The following IGSF21 variants were observed in gnomAD, a reference collection of about 807,000 sequenced individuals.
The protein encoded by IGSF21 is immunoglobin superfamily member 21, also known as immunoglobulin superfamily member 21.
In IGSF21, 28 loss-of-function variants were observed where a neutral mutation model predicts 46.8. The ratio of observed to expected loss-of-function variants is 0.60; its 90% CI spans 0.44 to 0.82. The LOEUF is 0.82. IGSF21 is among the 40% of genes least tolerant of loss of function. IGSF21 has a pLI of 0.00. For missense variants in IGSF21, 624 were observed against 665.5 expected (o/e 0.94, Z 0.69); for synonymous variants, 284 against 273.6 (o/e 1.04, Z -0.38).
At chr1:18,315,565 A>ATGGATGGATGGATGGG (rs1436351716) in intron 3 of IGSF21, among the ~76,000 whole-genome samples, 3 of 151,710 alleles carry the variant, frequency 2.0e-5, no homozygotes, top group African/African-American at 7.3e-5. Context: ...GGATGGATGG[A>ATGGATGGATGGATGGG]TGGATGGATG....
intron 6 of IGSF21, among the ~76,000 whole-genome samples, chr1:18,373,266 C>G (rs1373176431): frequency 2.0e-5 from 3 of 152,228 alleles, no homozygotes; most frequent in Non-Finnish European, 4.4e-5. Flanking sequence ...GACTCCTGCT[C>G]TTTCTCTACG....
At chr1:18,374,803 G>A (rs1054156527) in intron 6 of IGSF21, among the ~76,000 whole-genome samples, 4 of 152,180 alleles carry the variant, frequency 2.6e-5, no homozygotes, top group African/African-American at 9.7e-5. Flanking sequence ...GACCAGCAAG[G>A]AAAGGTGGGG....
At chr1:18,356,864 G>A (rs1281416192) in intron 4 of IGSF21, among the ~76,000 whole-genome samples, 1 of 152,102 alleles carries the variant, frequency 6.6e-6, no homozygotes, top group Non-Finnish European at 1.5e-5. Flanking sequence ...AGAGATGGGG[G>A]AGGAGATGGA....
Position 18,290,184 on chromosome 1 carries a change from G to GGGCAGAAC in IGSF21, c.184-1682_184-1681insGGCAGAAC. On this transcript the variant is annotated intron_variant, in intron 2 of 9. Transcript: ENST00000251296. This position sits in a 1 kb window ranked among gnomAD's most constrained non-coding sequence, Gnocchi z 4.2. ...AGGAGAGGAGAATCCTCCTGTCCCC[G>GGGCAGAAC]TCCTCCTCATCTTCCTCCACTCTCA... Among the ~76,000 whole-genome samples, 1 of 152,274 alleles carries GGGCAGAAC rather than the reference G, an allele frequency of 6.6e-6. No individual in the cohort carries two copies. The highest frequency in any genetic ancestry group is 6.5e-5 in the Admixed American group (1 of 15,296).
intron 3 of IGSF21, among the ~76,000 whole-genome samples, chr1:18,331,848 T>A (rs1233828338): frequency 6.6e-6 from 1 of 152,082 alleles, no homozygotes; most frequent in Non-Finnish European, 1.5e-5. Context: ...TTGGTCGCTG[T>A]CTGTATTTGG....
In IGSF21 at chr1:18,359,322, G is replaced by GAA. The variant is rs2086058628; in HGVS notation, c.425-2792_425-2791insAA. Among the ~76,000 whole-genome samples the GAA allele has an allele frequency of 2.7e-5, 3 of 111,992 alleles. 1 individual carries two copies. Among genetic ancestry groups the GAA allele is most frequent in the South Asian group, 2.9e-4 (1 of 3,430 alleles). 73.5% of individuals were successfully genotyped at this position (111,992 alleles called of 152,430 possible). A position where few individuals can be genotyped will look rare whatever the true frequency, so the allele number is the denominator to read the frequency against. On this transcript the variant is annotated intron_variant, in intron 4 of 9. Transcript: ENST00000251296. ...GAAAAAGAAAAGAAAGAAAGAGAGA[G>GAA]AGAGAAAGAGAAAGAAAAAGAAAGA...
intron 4 of IGSF21, among the ~76,000 whole-genome samples, chr1:18,342,248 C>T (rs1436150121): frequency 6.6e-6 from 1 of 152,054 alleles, no homozygotes; most frequent in African/African-American, 2.4e-5. Context: ...CATACACCAC[C>T]ATGCCTGGCT....
At chr1:18,193,535 C>G (rs1198598276) in intron 1 of IGSF21, among the ~76,000 whole-genome samples, 2 of 152,144 alleles carry the variant, frequency 1.3e-5, no homozygotes, top group African/African-American at 4.8e-5. Flanking sequence ...TGCTCGAGGG[C>G]AGGAAGCATC....
chr1:18,270,852 G>A (rs778701542), intron 2 of IGSF21, among the ~76,000 whole-genome samples: 9 of 151,818 alleles, frequency 5.9e-5, no homozygotes, highest in African/African-American at 1.2e-4. Context: ...CGAGCCAGCC[G>A]CATGTGCGAT....
intron 1 of IGSF21, among the ~76,000 whole-genome samples, chr1:18,211,469 G>C (rs1177435336): frequency 3.3e-5 from 5 of 152,178 alleles, no homozygotes; most frequent in Non-Finnish European, 1.5e-5. Context: ...AAATTTCCAG[G>C]CCCTTCCGTG....
chr1:18,169,102 T>C (rs2086709471), intron 1 of IGSF21, among the ~76,000 whole-genome samples: 1 of 152,210 alleles, frequency 6.6e-6, no homozygotes. Context: ...AGTGTTAATA[T>C]TTAATGAGTG....
intron 3 of IGSF21, among the ~76,000 whole-genome samples, chr1:18,330,975 AC>A (rs1169002811): frequency 6.6e-6 from 1 of 152,200 alleles, no homozygotes; most frequent in Non-Finnish European, 1.5e-5. Flanking sequence ...AGTAGGGTTC[AC>A]TTCTGGTGTT....
intron 2 of IGSF21, among the ~76,000 whole-genome samples, chr1:18,247,159 AC>A (rs894904281): frequency 6.6e-6 from 1 of 150,836 alleles, no homozygotes; most frequent in Admixed American, 6.6e-5. Flanking sequence ...CTAACTCCAG[AC>A]TGCCACTCTA....
intron 1 of IGSF21, among the ~76,000 whole-genome samples, chr1:18,187,951 G>C (rs1266768858): frequency 6.6e-6 from 1 of 152,140 alleles, no homozygotes; most frequent in African/African-American, 2.4e-5. Flanking sequence ...ACAAACAAGT[G>C]AATACATGAA....
At chr1:18,369,033 A>T (rs1398544159) in intron 6 of IGSF21, among the ~76,000 whole-genome samples, 1 of 152,164 alleles carries the variant, frequency 6.6e-6, no homozygotes, top group Non-Finnish European at 1.5e-5. Context: ...ACCCCCACTC[A>T]TCATCAGAGC....
chr1:18,372,618 T>TTGGA (rs1381516825), intron 6 of IGSF21, among the ~76,000 whole-genome samples: 15 of 85,978 alleles, frequency 1.7e-4, no homozygotes, highest in Admixed American at 1.1e-3. Flanking sequence ...GGGTGGATGT[T>TTGGA]TGGATGGATG....
chr1:18,260,628 G>T (rs896841557), intron 2 of IGSF21, among the ~76,000 whole-genome samples: 1 of 152,198 alleles, frequency 6.6e-6, no homozygotes, highest in Non-Finnish European at 1.5e-5. Flanking sequence ...TGACTTCCGG[G>T]TCATCAGGTC....
intron 3 of IGSF21, among the ~76,000 whole-genome samples, chr1:18,320,960 C>T (rs369480897): frequency 2.7e-4 from 41 of 152,350 alleles, no homozygotes; most frequent in African/African-American, 9.6e-4. Context: ...GGCTGATTGA[C>T]ATCCACGCGG....
intron 1 of IGSF21, among the ~76,000 whole-genome samples, chr1:18,116,647 G>A (rs1437148064): frequency 6.6e-6 from 1 of 152,200 alleles, no homozygotes; most frequent in Non-Finnish European, 1.5e-5. Flanking sequence ...AGCTGCCCCA[G>A]GCCTGATTCT....
Sources: gnomAD v4.1 joint callset for allele counts (sites outside exome capture counted in the v4.1 genomes callset) on GRCh38, gnomAD v4.1.1 for gene constraint, Gnocchi (gnomAD v3.1) non-coding constraint, MANE v1.5 for transcripts, NCBI Gene and HGNC (gene_info 2026-07-23, HGNC 2026-07-21) for gene names.